Variants in PCCA observed in about 807,000 individuals in gnomAD.
PCCA encodes the protein propionyl-CoA carboxylase alpha chain, mitochondrial.
Under a neutral mutation model 101.3 loss-of-function variants are expected in PCCA, and 74 were observed. The ratio of observed to expected loss-of-function variants is 0.73; its 90% CI spans 0.61 to 0.89. The LOEUF (loss-of-function observed/expected upper bound fraction) is 0.89. PCCA is among the 40% of genes least tolerant of loss of function. The pLI is 0.00. For synonymous variants in PCCA, 294 were observed against 313.6 expected (o/e 0.94, Z 0.66); for missense variants, 891 against 907.0 (o/e 0.98, Z 0.23).
At chr13:100,430,896 C>T (rs959407294) in intron 20 of PCCA, among the ~76,000 whole-genome samples, 7 of 152,124 alleles carry the variant, frequency 4.6e-5, no homozygotes, top group East Asian at 3.8e-4. Context: ...TTATTATGCC[C>T]GGCACTGACT....
Position 100,173,342 on chromosome 13 carries a change from G to C in PCCA, c.468+16002G>C, listed in dbSNP as rs573767228. 2.0e-5 allele frequency among the ~76,000 whole-genome samples: 3 copies of C among 152,258 alleles called. No individual in the cohort carries two copies. In the East Asian group the frequency reaches 5.8e-4, roughly 29 times the overall value. The stretch of plus-strand genomic sequence containing the variant: ...CTTTTTACATGCTCTGGCTGGGATG[G>C]TTTTAGTTACTAGGATGTAGGGGAC... On this transcript the variant is annotated intron_variant, in intron 6 of 23. Coordinates refer to ENST00000376285, the MANE Select transcript of PCCA (RefSeq NM_000282.4).
intron 19 of PCCA, among the ~76,000 whole-genome samples, chr13:100,372,648 G>A: frequency 6.6e-6 from 1 of 151,880 alleles, no homozygotes. Context: ...TTTTCCCAAA[G>A]TAACCACTCT....
chr13:100,245,412 C>T (rs2061377489), intron 8 of PCCA, among the ~76,000 whole-genome samples: 1 of 152,100 alleles, frequency 6.6e-6, no homozygotes, highest in African/African-American at 2.4e-5. Context: ...TTCACCAGAC[C>T]TCGACTATAC....
At chr13:100,365,232 T>C (rs986529845) in intron 18 of PCCA, among the ~76,000 whole-genome samples, 7 of 152,220 alleles carry the variant, frequency 4.6e-5, no homozygotes, top group Non-Finnish European at 1.0e-4. Flanking sequence ...GATTTAGACC[T>C]GGATGTTTTA....
intron 12 of PCCA, among the ~76,000 whole-genome samples, chr13:100,295,768 A>G (rs2065476964): frequency 1.3e-5 from 2 of 152,248 alleles, no homozygotes. Context: ...TTAGAGCTGC[A>G]GATATAGCAC....
chr13:100,370,593 A>G (rs145578739), intron 19 of PCCA, among the ~76,000 whole-genome samples: 11 of 152,252 alleles, frequency 7.2e-5, no homozygotes, highest in Non-Finnish European at 8.8e-5. Context: ...ATGATTTCCT[A>G]TATTTATTGG....
intron 12 of PCCA, among the ~76,000 whole-genome samples, chr13:100,297,522 C>G (rs2065651590): frequency 6.6e-6 from 1 of 152,160 alleles, no homozygotes; most frequent in Admixed American, 6.5e-5. Context: ...CTCACAGTTG[C>G]ATTTGACAAG....
At chr13:100,453,482 A>AC (rs113245679) in intron 21 of PCCA, among the ~76,000 whole-genome samples, 5,879 of 140,092 alleles carry the variant, frequency 0.042, 407 homozygotes, top group African/African-American at 0.16. Context: ...TAGTTTAAAA[A>AC]AAAAAAAAGA....
intron 8 of PCCA, among the ~76,000 whole-genome samples, chr13:100,250,496 C>CT (rs1385981560): frequency 6.6e-6 from 1 of 151,726 alleles, no homozygotes; most frequent in African/African-American, 2.4e-5. Flanking sequence ...AAAATGTTTG[C>CT]TTTTTTCTTA....
chr13:100,496,351 C>T (rs2085274554), intron 21 of PCCA, among the ~76,000 whole-genome samples: 1 of 152,244 alleles, frequency 6.6e-6, no homozygotes, highest in Admixed American at 6.5e-5. Flanking sequence ...TCTCCTGAAT[C>T]TCGAATCGTT....
rs1283290 is a variant in PCCA, at chr13:100,457,432, A to G, written c.1899+8127A>G. On this transcript the variant is annotated intron_variant, in intron 21 of 23. Transcript: ENST00000376285. ...CATTTCATAGATGCTGATAGAAAACATGAGACTCCAGGATCAGAGATGAAG... is the reference window on the plus strand; with the variant it reads ...CATTTCATAGATGCTGATAGAAAACGTGAGACTCCAGGATCAGAGATGAAG... 9.0e-3 allele frequency among the ~76,000 whole-genome samples: 1,363 copies of G among 152,258 alleles called. 18 individuals carry two copies. Among genetic ancestry groups the G allele is most frequent in the African/African-American group, 0.031 (1,294 of 41,530 alleles).
chr13:100,447,935 A>G (rs2080956857), intron 20 of PCCA, among the ~76,000 whole-genome samples: 1 of 152,210 alleles, frequency 6.6e-6, no homozygotes, highest in African/African-American at 2.4e-5. Context: ...GATCATAGAG[A>G]TCAGAGTTGG....
intron 1 of PCCA, among the ~76,000 whole-genome samples, chr13:100,096,871 C>T (rs1349507421): frequency 4.6e-5 from 7 of 152,220 alleles, no homozygotes; most frequent in Admixed American, 3.9e-4. Context: ...AACTTGGAAG[C>T]AGAGGTTGGT....
At position 100,150,719 on chromosome 13, in the gene PCCA, G is replaced by A. The variant is rs982130080; in HGVS notation, c.301-4260G>A. ...GAGGATAACCTCAAAAAATTTGTAT[G>A]TGGAATCTTCACCAACCCAGTAAGA... On this transcript the variant is annotated intron_variant, in intron 4 of 23. Transcript: ENST00000376285. The A allele has an allele frequency of 5.2e-5, 83 of 1,581,192 alleles. 1 individual carries two copies. The Admixed American group carries it at 6.2e-4, about 12-fold the overall frequency.
At position 100,430,014 on chromosome 13, in the gene PCCA, C is replaced by T. The variant is rs1188930366; in HGVS notation, c.1845+4283C>T. On this transcript the variant is annotated intron_variant, in intron 20 of 23. Transcript: ENST00000376285. Reference sequence around the variant, plus strand: ...AAAACAGGCTGGTCACTGTGGCTCACGCCTGTAATCCTAGCCTTTGGGAGG... The same window carrying T: ...AAAACAGGCTGGTCACTGTGGCTCATGCCTGTAATCCTAGCCTTTGGGAGG... Among the ~76,000 whole-genome samples, 5 of 152,094 alleles carry T rather than the reference C, an allele frequency of 3.3e-5. No homozygotes were observed. In the East Asian group the frequency reaches 9.7e-4, roughly 29 times the overall value.
intron 4 of PCCA, among the ~76,000 whole-genome samples, chr13:100,133,452 G>A (rs1198068370): frequency 6.6e-6 from 1 of 152,128 alleles, no homozygotes; most frequent in African/African-American, 2.4e-5. Context: ...TTACTGTCAT[G>A]TCTAAGAACT....
At chr13:100,251,728 A>G (rs1028478387) in intron 8 of PCCA, among the ~76,000 whole-genome samples, 3 of 152,230 alleles carry the variant, frequency 2.0e-5, no homozygotes, top group African/African-American at 7.2e-5. Context: ...CATCTTAAGT[A>G]ATCAAGCTTT....
chr13:100,268,180 C>T (rs1165835493), intron 10 of PCCA, among the ~76,000 whole-genome samples: 2 of 152,120 alleles, frequency 1.3e-5, no homozygotes, highest in African/African-American at 4.8e-5. Flanking sequence ...TATATTAACT[C>T]CAGACCTTTA....
At chr13:100,270,172 A>G (rs760559995) in intron 11 of PCCA, among the ~76,000 whole-genome samples, 14 of 152,342 alleles carry the variant, frequency 9.2e-5, no homozygotes, top group Non-Finnish European at 1.5e-4. Context: ...AGCCAAAGGG[A>G]ATCCTCTTCC....
Sources: gnomAD v4.1 joint callset for allele counts (sites outside exome capture counted in the v4.1 genomes callset) on GRCh38, gnomAD v4.1.1 for gene constraint, MANE v1.5 for transcripts, NCBI Gene and HGNC (gene_info 2026-07-23, HGNC 2026-07-21) for gene names.